The following SPATA1 variants were observed in gnomAD, a reference collection of about 807,000 sequenced individuals.
SPATA1 encodes spermatogenesis associated 1.
SPATA1 carries 57 observed loss-of-function variants against 59.6 expected under a neutral mutation model. That is an observed-to-expected ratio of 0.96 (90% CI 0.77 to 1.19). The LOEUF (loss-of-function observed/expected upper bound fraction) is 1.19, where lower values mean the gene tolerates loss of function less well. Among genes scored for constraint, SPATA1 ranks in the 50% most tolerant of loss-of-function variants. SPATA1 has a pLI of 0.00. For synonymous variants in SPATA1, 147 were observed against 163.9 expected, an observed-to-expected ratio of 0.90 and a Z score of 0.79; for missense variants, 448 against 480.7, an observed-to-expected ratio of 0.93 and a Z score of 0.64.
At chr1:84,545,303 C>T (rs1445062619) in intron 9 of SPATA1, among the ~76,000 whole-genome samples, 1 of 150,728 alleles carries the variant, frequency 6.6e-6, no homozygotes, top group Non-Finnish European at 1.5e-5. Context: ...GATTTAAGTA[C>T]AATAATTTTG....
At chr1:84,554,872 CATTT>C (rs1366257239), downstream of SPATA1, 26 of 729,298 alleles carry the variant, frequency 3.6e-5, no homozygotes, top group Admixed American at 9.4e-5. Context: ...ACAATCAAAA[CATTT>C]ATTTATTCTT....
chr1:84,553,230 T>C (rs1570460488), exon 13 of SPATA1: 1 of 638,980 alleles, frequency 1.6e-6, no homozygotes, highest in African/African-American at 1.9e-5. Context: ...AAGCACAAGG[T>C]TTCTCTTTCT....
chr1:84,525,943 T>C (rs1683203257), exon 6 of SPATA1: 1 of 1,613,604 alleles, frequency 6.2e-7, no homozygotes, highest in African/African-American at 1.3e-5. Flanking sequence ...AGACTAATAA[T>C]GGTGTTAATG....
At position 84,527,333 on chromosome 1, in the gene SPATA1, T is replaced by C. The variant is rs557550874; in HGVS notation, c.544+1260T>C. 4.1e-4 allele frequency among the ~76,000 whole-genome samples: 63 copies of C among 152,298 alleles called. No homozygotes were observed. In the South Asian group the frequency reaches 6.8e-3, roughly 17 times the overall value. On this transcript the variant is annotated intron_variant, in intron 6 of 12. Transcript: ENST00000490879. Reference sequence around the variant, plus strand: ...ATTCTTAGACTGTAGTCAGCTTTATTTATATGCTTTAAATGAGAGGCCAGT... The same window carrying C: ...ATTCTTAGACTGTAGTCAGCTTTATCTATATGCTTTAAATGAGAGGCCAGT...
intron 4 of SPATA1, chr1:84,563,932 T>G: frequency 7.5e-7 from 1 of 1,333,108 alleles, no homozygotes; most frequent in Non-Finnish European, 9.8e-7. Flanking sequence ...TAAAAACAAG[T>G]ACATTTATAA....
chr1:84,531,764 T>G (rs188061583), intron 6 of SPATA1, among the ~76,000 whole-genome samples: 199 of 151,696 alleles, frequency 1.3e-3, no homozygotes, highest in African/African-American at 4.6e-3. Flanking sequence ...TCTAGAGATA[T>G]TGCCCAGGCT....
downstream of SPATA1, chr1:84,555,229 A>G (rs755271633): frequency 3.2e-6 from 5 of 1,540,704 alleles, no homozygotes; most frequent in Admixed American, 3.5e-5. Flanking sequence ...TGGAGATTTT[A>G]AAGTATTTAG....
chr1:84,514,745 C>G (rs748719504), intron 1 of SPATA1, among the ~76,000 whole-genome samples: 125 of 152,112 alleles, frequency 8.2e-4, no homozygotes, highest in Admixed American at 3.1e-3. Flanking sequence ...CCGAGACGGG[C>G]GAATCACTTG....
At chr1:84,545,668 G>A in exon 10 of SPATA1, 14 of 1,524,348 alleles carry the variant, frequency 9.2e-6, no homozygotes, top group Non-Finnish European at 1.2e-5. Context: ...AACAAGTAAA[G>A]GAAGAAAGAA....
chr1:84,557,415 C>A, downstream of SPATA1, among the ~76,000 whole-genome samples: 1 of 151,626 alleles, frequency 6.6e-6, no homozygotes, highest in East Asian at 1.9e-4. Flanking sequence ...TGCCTGTAAT[C>A]CCAGCTACTC....
chr1:84,545,078 G>A (rs181855815), intron 9 of SPATA1, among the ~76,000 whole-genome samples: 5 of 150,678 alleles, frequency 3.3e-5, no homozygotes, highest in East Asian at 2.0e-4. Context: ...AAAATTAGGC[G>A]TGGTGGCAGC....
chr1:84,506,430 G>T lies in SPATA1; in HGVS notation c.-138+12G>T, dbSNP rs563663347. On this transcript the variant is annotated intron_variant, in intron 1 of 12. Coordinates refer to ENST00000490879, the Ensembl canonical transcript of SPATA1. ...CCGATTAGGGAGAGGTAAGGAGAGA[G>T]CTTACCGTTAGCCGCGAAGAACTAA... 7.7e-5 allele frequency: 14 copies of T among 181,270 alleles called. No individual in the cohort carries two copies. The South Asian group carries it at 1.9e-3, about 24-fold the overall frequency. The allele number at this position is 181,270 out of a possible 1,614,324, so 11.2% of individuals were successfully genotyped here.
chr1:84,521,222 C>G (rs2101937686), intron 3 of SPATA1, among the ~76,000 whole-genome samples: 1 of 152,156 alleles, frequency 6.6e-6, no homozygotes, highest in East Asian at 1.9e-4. Flanking sequence ...AACTGCTGAT[C>G]TGAGAATAGC....
chr1:84,555,096 C>T (rs141347801), downstream of SPATA1: 2 of 1,613,866 alleles, frequency 1.2e-6, no homozygotes, highest in African/African-American at 2.7e-5. Context: ...GTTTGCATTC[C>T]ACATGCCAAT....
At chr1:84,529,534 TATAATAA>T (rs1288489020) in intron 6 of SPATA1, among the ~76,000 whole-genome samples, 2 of 151,102 alleles carry the variant, frequency 1.3e-5, no homozygotes, top group African/African-American at 2.4e-5. Context: ...AGAATAAATT[TATAATAA>T]ATAATAAAGT....
intron 11 of SPATA1, among the ~76,000 whole-genome samples, chr1:84,549,427 G>C (rs1003316755): frequency 4.6e-5 from 7 of 152,180 alleles, no homozygotes; most frequent in South Asian, 2.1e-4. Flanking sequence ...CTCTGTACCT[G>C]GGACAGGGTC....
Position 84,550,531 on chromosome 1 carries a change from G to A in SPATA1, c.1224+1G>A. 6.6e-7 allele frequency: 1 copy of A among 1,520,518 alleles called. No homozygotes were observed. Among genetic ancestry groups the A allele is most frequent in the Non-Finnish European group, 8.8e-7 (1 of 1,132,262 alleles). 94.2% of individuals were successfully genotyped at this position (1,520,518 alleles called of 1,614,324 possible). ...AATGAAACTCATAGTAGAAGTTAAGGTAATTTACATTTTTCCTAATCAGAT... is the reference window on the plus strand; with the variant it reads ...AATGAAACTCATAGTAGAAGTTAAGATAATTTACATTTTTCCTAATCAGAT... On this transcript the variant is annotated splice_donor_variant, in intron 12 of 12. Coordinates refer to ENST00000490879, the Ensembl canonical transcript of SPATA1. LOFTEE classifies it high-confidence loss of function.
chr1:84,532,866 GA>G lies in SPATA1; in HGVS notation c.555del (p.Ala186ProfsTer79), dbSNP rs866436406. On this transcript the variant is annotated frameshift_variant, in exon 7 of 13. Coordinates refer to ENST00000490879, the Ensembl canonical transcript of SPATA1. LOFTEE classifies it high-confidence loss of function. ...GGATGACCATCAACATCAGCTGGGG[GA>G]AAAGCCACTGCAGAAAAAAGCCAAA... The G allele has an allele frequency of 6.5e-7, 1 of 1,550,240 alleles. No homozygotes were observed. Among genetic ancestry groups the G allele is most frequent in the East Asian group, 2.4e-5 (1 of 40,874 alleles).
intron 3 of SPATA1, 73 bp from the exon 4 acceptor site, chr1:84,522,317 A>G (rs1683059464): frequency 2.5e-6 from 2 of 805,880 alleles, no homozygotes; most frequent in Non-Finnish European, 3.6e-6. Context: ...ATAGCTGACT[A>G]AAGTTATTGA....
Sources: allele counts gnomAD v4.1 joint callset (sites outside exome capture counted in the v4.1 genomes callset), GRCh38; gene constraint gnomAD v4.1.1; transcripts MANE v1.5; gene names NCBI Gene and HGNC (gene_info 2026-07-23, HGNC 2026-07-21).